The following P2RX4 variants were observed in gnomAD, a reference collection of about 807,000 sequenced individuals.
P2RX4 encodes the protein purinergic receptor P2X 4.
A neutral mutation model predicts 48.0 loss-of-function variants in P2RX4; 37 were observed. That is an observed-to-expected ratio of 0.77 (90% CI 0.59 to 1.01). The LOEUF is 1.01. Among genes scored for constraint, P2RX4 ranks in the 50% least tolerant of loss-of-function variants. P2RX4 has a pLI of 0.00. For missense variants in P2RX4, 501 were observed against 521.4 expected (o/e 0.96, Z 0.38); for synonymous variants, 200 against 199.7 (o/e 1.00, Z -0.01).
At position 121,228,633 on chromosome 12, in the gene P2RX4, G is replaced by A; in HGVS notation, c.605+20G>A. ...CAGCAAGTAAGTGGTGGCCAGGTGT[G>A]TGAGTTCACCAGGGTCTTGGAGAAA... On this transcript the variant is annotated intron_variant, in intron 6 of 11. Transcript: ENST00000337233. 1.2e-6 allele frequency: 2 copies of A among 1,612,296 alleles called. No homozygotes were observed. Among genetic ancestry groups the A allele is most frequent in the Non-Finnish European group, 1.7e-6 (2 of 1,178,620 alleles).
intron 4 of P2RX4, chr12:121,222,710 C>T (rs998772018): frequency 6.8e-6 from 10 of 1,463,678 alleles, no homozygotes; most frequent in Non-Finnish European, 8.2e-6. Flanking sequence ...CTGTGCCTGG[C>T]CTCTTGTCCC....
chr12:121,210,525 A>G, intron 1 of P2RX4, among the ~76,000 whole-genome samples: 1 of 152,146 alleles, frequency 6.6e-6, no homozygotes, highest in East Asian at 1.9e-4. Flanking sequence ...CAAGCCTGTA[A>G]TCCGAGCACT....
chr12:121,212,673 C>T (rs896318501), intron 1 of P2RX4, among the ~76,000 whole-genome samples: 5 of 148,716 alleles, frequency 3.4e-5, no homozygotes, highest in Non-Finnish European at 5.9e-5. Flanking sequence ...CCTGTAATCC[C>T]GGCTACATGG....
chr12:121,217,861 C>T (rs1186053), intron 2 of P2RX4, among the ~76,000 whole-genome samples: 2,198 of 152,012 alleles, frequency 0.014, 51 homozygotes, highest in African/African-American at 0.05. Flanking sequence ...AGGACTCCAT[C>T]GGGAGCGAAA....
At chr12:121,211,707 C>T (rs1885863170) in intron 1 of P2RX4, among the ~76,000 whole-genome samples, 2 of 149,816 alleles carry the variant, frequency 1.3e-5, no homozygotes, top group South Asian at 4.2e-4. Flanking sequence ...TGGAGTCTCC[C>T]TCTGTCGCCC....
intron 8 of P2RX4, among the ~76,000 whole-genome samples, chr12:121,230,436 G>A (rs539248866): frequency 9.9e-5 from 15 of 152,232 alleles, no homozygotes; most frequent in Non-Finnish European, 1.9e-4. Flanking sequence ...GGTCAGCGGT[G>A]CTTTGGGCTG....
chr12:121,233,153 G>T, intron 11 of P2RX4, 61 bp downstream of exon 11: 1 of 1,220,548 alleles, frequency 8.2e-7, no homozygotes, highest in Non-Finnish European at 1.2e-6. Flanking sequence ...TGGGAGCCCT[G>T]GGCGTGGGCC....
intron 1 of P2RX4, chr12:121,213,282 G>T (rs1886009190): frequency 6.6e-6 from 1 of 152,018 alleles, no homozygotes; most frequent in Non-Finnish European, 1.5e-5. Context: ...ACAAAAATTA[G>T]CCTGGCATGG....
At chr12:121,222,038 C>T (rs965661461) in intron 3 of P2RX4, 54 bp downstream of exon 3, 5 of 1,595,790 alleles carry the variant, frequency 3.1e-6, no homozygotes, top group South Asian at 2.2e-5. Flanking sequence ...CACGCCTGTC[C>T]ACCTGTGTGT....
chr12:121,230,570 A>G (rs1887277460), intron 8 of P2RX4, among the ~76,000 whole-genome samples: 1 of 152,110 alleles, frequency 6.6e-6, no homozygotes, highest in African/African-American at 2.4e-5. Flanking sequence ...AGATATTTGA[A>G]TTTTTCTTTT....
chr12:121,216,751 C>T (rs570832508), intron 1 of P2RX4: 20 of 504,746 alleles, frequency 4.0e-5, no homozygotes, highest in South Asian at 3.6e-4. Context: ...ACCCGGGAGG[C>T]GGAGGTTGCA....
chr12:121,210,261 C>A lies in P2RX4; in HGVS notation c.97C>A (p.Arg33Ser). The part of the protein sequence containing the change: ...IRSRKVGLMN[R>S]AVQLLILAYV... ...CAGCCGCAAAGTGGGGCTCATGAACCGCGCCGTGCAACTGCTCATCCTGGC... is the reference window on the plus strand; with the variant it reads ...CAGCCGCAAAGTGGGGCTCATGAACAGCGCCGTGCAACTGCTCATCCTGGC... The change falls in exon 1 of 12, where the codon CGC (arginine) becomes AGC (serine). Residue 33 changes from arginine to serine, a missense_variant. By Grantham distance (110) the Arg-to-Ser change is moderately radical. Transcript: ENST00000337233. 1 of 1,558,756 alleles carries A rather than the reference C, an allele frequency of 6.4e-7. No individual in the cohort carries two copies. Among genetic ancestry groups the A allele is most frequent in the Non-Finnish European group, 8.6e-7 (1 of 1,157,016 alleles).
chr12:121,215,880 A>G (rs1886197148), intron 1 of P2RX4: 1 of 152,152 alleles, frequency 6.6e-6, no homozygotes, highest in Admixed American at 6.5e-5. Flanking sequence ...TCATAGTCCC[A>G]CTTCAGAGGA....
rs745373235 is a variant in P2RX4, at chr12:121,222,048, TG to T, written c.355-42del. The stretch of plus-strand genomic sequence containing the variant: ...CTCTCCACGCCTGTCCACCTGTGTG[TG>T]GGGCCGGGCCACGTGGACTTTCTTT... On this transcript the variant is annotated intron_variant, in intron 3 of 11. Coordinates refer to ENST00000337233, the MANE Select transcript of P2RX4 (RefSeq NM_002560.3). 1.1e-5 allele frequency: 17 copies of T among 1,599,062 alleles called. No individual in the cohort carries two copies. In the Admixed American group the frequency reaches 2.5e-4, roughly 24 times the overall value.
At chr12:121,221,132 G>A (rs573417381) in intron 2 of P2RX4, among the ~76,000 whole-genome samples, 34 of 150,294 alleles carry the variant, frequency 2.3e-4, no homozygotes, top group African/African-American at 7.1e-4. Flanking sequence ...CACCACACCC[G>A]GCTCCTTTTG....
chr12:121,229,308 C>T lies in P2RX4; in HGVS notation c.884+209C>T, dbSNP rs1472995280. Among the ~76,000 whole-genome samples, 1 of 152,216 alleles carries T rather than the reference C, an allele frequency of 6.6e-6. No individual in the cohort carries two copies. The highest frequency in any genetic ancestry group is 2.4e-5 in the African/African-American group (1 of 41,472). On this transcript the variant is annotated intron_variant, in intron 8 of 11. Transcript: ENST00000337233. This position sits in a 1 kb window ranked among gnomAD's most constrained non-coding sequence, Gnocchi z 4.6. Reference sequence around the variant, plus strand: ...GGCCATCCCGGCCCCCGAGACCCCTCCTTGCCCTTTCCTGCCGCAAGAAAC... The same window carrying T: ...GGCCATCCCGGCCCCCGAGACCCCTTCTTGCCCTTTCCTGCCGCAAGAAAC...
intron 2 of P2RX4, among the ~76,000 whole-genome samples, chr12:121,221,039 C>T (rs575734263): frequency 3.3e-4 from 50 of 152,206 alleles, no homozygotes; most frequent in African/African-American, 1.2e-3. Flanking sequence ...GGCGTGATCT[C>T]GGCTCACTGC....
chr12:121,232,890 C>G lies in P2RX4; in HGVS notation c.1045-107C>G. The G allele has an allele frequency of 1.1e-6, 1 of 929,190 alleles. No homozygotes were observed. The highest frequency in any genetic ancestry group is 2.4e-5 in the East Asian group (1 of 41,902). 57.6% of individuals were successfully genotyped at this position (929,190 alleles called of 1,614,324 possible). On this transcript the variant is annotated intron_variant, in intron 10 of 11. Transcript: ENST00000337233. The surrounding 1 kb of genome is among the most constrained non-coding windows in gnomAD (Gnocchi z 4.3). ...TCTCCCAAGAGATGGGAGTGCCTTT[C>G]CATTCCGGTAAAGATTCCAGGCTTC...
At chr12:121,217,975 CCA>C (rs1886342549) in intron 2 of P2RX4, among the ~76,000 whole-genome samples, 3 of 152,098 alleles carry the variant, frequency 2.0e-5, no homozygotes, top group African/African-American at 7.2e-5. Context: ...CAGCTCTGCA[CCA>C]CACAGTCAAA....
Sources: allele counts gnomAD v4.1 joint callset (sites outside exome capture counted in the v4.1 genomes callset), GRCh38; gene constraint gnomAD v4.1.1; non-coding constraint Gnocchi (gnomAD v3.1); transcripts MANE v1.5; gene names NCBI Gene and HGNC (gene_info 2026-07-23, HGNC 2026-07-21).